EIF2AK4: variants seen among roughly 807,000 people sequenced by gnomAD.
The protein encoded by EIF2AK4 is eIF-2-alpha kinase GCN2.
A neutral mutation model predicts 211.1 loss-of-function variants in EIF2AK4; 139 were observed. The observed-to-expected ratio is 0.66, with a 90% CI of 0.57 to 0.76. The LOEUF is 0.76. Ranked by LOEUF, EIF2AK4 falls within the 30% of genes least tolerant of loss-of-function variation. EIF2AK4 has a pLI of 0.00. For missense variants in EIF2AK4, 1,664 were observed against 2,043.8 expected, an observed-to-expected ratio of 0.81 and a Z score of 3.58; for synonymous variants, 710 against 751.3, an observed-to-expected ratio of 0.94 and a Z score of 0.90.
intron 17 of EIF2AK4, 169 bp from the exon 18 acceptor site, chr15:39,992,600 A>G: frequency 1.6e-6 from 1 of 625,830 alleles, no homozygotes; most frequent in East Asian, 2.8e-5. Flanking sequence ...GTGTGGCCAT[A>G]CGTGACTTAT....
Position 39,988,527 on chromosome 15 carries a change from T to C in EIF2AK4, c.2526+422T>C, listed in dbSNP as rs567912010. Among the ~76,000 whole-genome samples the C allele has an allele frequency of 1.4e-4, 21 of 152,356 alleles. No homozygotes were observed. The East Asian group carries it at 4.0e-3, about 29-fold the overall frequency. On this transcript the variant is annotated intron_variant, in intron 15 of 38. Transcript: ENST00000263791. ...GGTTATTGGAACATAGCTATGCTCA[T>C]TGGTTTACATATTGCCTATGGCTGT... is the stretch of plus-strand genomic sequence containing the variant.
intron 32 of EIF2AK4, among the ~76,000 whole-genome samples, chr15:40,023,559 G>C (rs981577595): frequency 1.3e-5 from 2 of 152,056 alleles, no homozygotes; most frequent in South Asian, 4.1e-4. Flanking sequence ...TTTCCATTTC[G>C]TCTGAGTTTT....
chr15:40,026,092 A>T lies in EIF2AK4; in HGVS notation c.4502+3A>T. The T allele has an allele frequency of 6.2e-7, 1 of 1,612,860 alleles. No individual in the cohort carries two copies. Among genetic ancestry groups the T allele is most frequent in the South Asian group, 1.1e-5 (1 of 91,002 alleles). The stretch of plus-strand genomic sequence containing the variant: ...GTCACTGATGAAAGGAATGGCAGGT[A>T]ACTTAGGAAACAAAAGCCGAGAAAA... On this transcript the variant is annotated splice_donor_region_variant and intron_variant, in intron 33 of 38. Coordinates refer to ENST00000263791, the MANE Select transcript of EIF2AK4 (RefSeq NM_001013703.4).
chr15:40,033,924 A>T (rs969790866), intron 37 of EIF2AK4, among the ~76,000 whole-genome samples: 5 of 150,756 alleles, frequency 3.3e-5, no homozygotes, highest in Non-Finnish European at 7.4e-5. Flanking sequence ...GCTACTTGGG[A>T]GGCTGAGGCA....
chr15:39,987,091 A>G (rs1390016186), intron 14 of EIF2AK4, among the ~76,000 whole-genome samples: 1 of 152,216 alleles, frequency 6.6e-6, no homozygotes, highest in Non-Finnish European at 1.5e-5. Flanking sequence ...ATTCCGTAAC[A>G]TAAATATCTT....
At chr15:39,944,274 A>T (rs777564335) in intron 3 of EIF2AK4, among the ~76,000 whole-genome samples, 2 of 151,768 alleles carry the variant, frequency 1.3e-5, no homozygotes, top group African/African-American at 2.4e-5. Context: ...GGGTGGCACA[A>T]CTCTCTGTGG....
intron 30 of EIF2AK4, 92 bp from the exon 31 acceptor site, chr15:40,020,807 C>G (rs2035376555): frequency 1.6e-6 from 2 of 1,227,292 alleles, no homozygotes; most frequent in African/African-American, 1.5e-5. Context: ...TGCCCATCTT[C>G]CCAAGAGTGC....
chr15:40,029,346 TTA>T, intron 33 of EIF2AK4, 58 bp from the exon 34 acceptor site: 1 of 1,600,470 alleles, frequency 6.2e-7, no homozygotes, highest in Middle Eastern at 1.7e-4. Flanking sequence ...TCACTGTAAG[TTA>T]TGTGTTGCTT....
intron 15 of EIF2AK4, 97 bp from the exon 16 acceptor site, chr15:39,990,176 T>TA: frequency 1.7e-6 from 2 of 1,194,426 alleles, no homozygotes; most frequent in Non-Finnish European, 2.4e-6. Flanking sequence ...GAAGACCTCA[T>TA]ACGATTTTCA....
intron 5 of EIF2AK4, among the ~76,000 whole-genome samples, 159 bp from the exon 6 acceptor site, chr15:39,955,458 CCTT>C (rs2034376741): frequency 1.3e-5 from 2 of 152,140 alleles, no homozygotes; most frequent in South Asian, 4.1e-4. Flanking sequence ...TCAATATCCT[CCTT>C]CTAGCTATTT....
At chr15:39,984,883 A>G (rs942720165) in intron 13 of EIF2AK4, among the ~76,000 whole-genome samples, 2 of 152,182 alleles carry the variant, frequency 1.3e-5, no homozygotes, top group Admixed American at 6.5e-5. Context: ...AACTTCCAAC[A>G]CTATGTTGAA....
In EIF2AK4 at chr15:40,034,405, T is replaced by C; in HGVS notation, c.4853T>C (p.Leu1618Ser). 6.2e-7 allele frequency: 1 copy of C among 1,614,022 alleles called. No individual in the cohort carries two copies. Among genetic ancestry groups the C allele is most frequent in the Non-Finnish European group, 8.5e-7 (1 of 1,179,968 alleles). Residue 1618 changes from leucine (L) to serine (S), a missense_variant, in exon 38 of 39, where the codon TTA becomes TCA. By Grantham distance (145) the Leu-to-Ser change is moderately radical (BLOSUM62 -2). Coordinates refer to ENST00000263791, the MANE Select transcript of EIF2AK4 (RefSeq NM_001013703.4). ...CTGCCAAAGCAAAGATACCTCAAAT[T>C]AGTCTGTGATGAAATTTATAACATC... ...SRLPKQRYLK[L>S]VCDEIYNIKV...
At chr15:39,999,369 C>T (rs1416665773) in intron 20 of EIF2AK4, among the ~76,000 whole-genome samples, 2 of 152,014 alleles carry the variant, frequency 1.3e-5, no homozygotes. Context: ...TCTGGTATGC[C>T]TTTCTTCTGA....
At chr15:40,008,835 T>C (rs2035197046) in intron 25 of EIF2AK4, among the ~76,000 whole-genome samples, 1 of 152,178 alleles carries the variant, frequency 6.6e-6, no homozygotes, top group African/African-American at 2.4e-5. Context: ...GCAGAACATG[T>C]GTTTTTAGGG....
intron 18 of EIF2AK4, among the ~76,000 whole-genome samples, chr15:39,993,316 G>A (rs1030870727): frequency 2.6e-5 from 4 of 152,238 alleles, no homozygotes; most frequent in African/African-American, 4.8e-5. Flanking sequence ...CCCTCAGGGA[G>A]CTTGTCCACT....
chr15:40,032,676 C>G, intron 36 of EIF2AK4, 81 bp from the exon 37 acceptor site: 3 of 1,323,944 alleles, frequency 2.3e-6, no homozygotes, highest in Non-Finnish European at 3.2e-6. Flanking sequence ...CCTATTCATA[C>G]TGCTGCATTT....
At position 39,973,634 on chromosome 15, in the gene EIF2AK4, A is replaced by G. The variant is rs575096236; in HGVS notation, c.1703A>G (p.Asn568Ser). ...TATGTTGAGACTGTTATTCCTAGCA[A>G]CCGGCTACCCAGTGCTGCCTTCTTT... ...QDYVETVIPS[N>S]RLPSAAFFSE... The change falls in exon 11 of 39, where the codon AAC becomes AGC. Residue 568 changes from asparagine to serine, a missense_variant. Physicochemically the swap from Asn to Ser is conservative, Grantham distance 46. This residue lies in a region of EIF2AK4 where 641 missense variants were observed against 729.6 expected (regional missense o/e 0.88). Coordinates refer to ENST00000263791, the MANE Select transcript of EIF2AK4 (RefSeq NM_001013703.4). 1 of 1,614,074 alleles carries G rather than the reference A, an allele frequency of 6.2e-7. No homozygotes were observed. Among genetic ancestry groups the G allele is most frequent in the Non-Finnish European group, 8.5e-7 (1 of 1,179,972 alleles).
intron 33 of EIF2AK4, among the ~76,000 whole-genome samples, chr15:40,027,086 C>A (rs2035474925): frequency 6.6e-6 from 1 of 152,048 alleles, no homozygotes; most frequent in Non-Finnish European, 1.5e-5. Flanking sequence ...ATAACAATAA[C>A]CCCATTACAT....
intron 5 of EIF2AK4, among the ~76,000 whole-genome samples, chr15:39,954,292 G>A (rs1055589214): frequency 1.3e-5 from 2 of 152,098 alleles, no homozygotes; most frequent in Non-Finnish European, 2.9e-5. Flanking sequence ...TCATTCTGTC[G>A]CCCAGGCTGG....
Sources: gnomAD v4.1 joint callset for allele counts (sites outside exome capture counted in the v4.1 genomes callset) on GRCh38, gnomAD v4.1.1 for gene constraint, gnomAD v4.1.1 regional missense constraint, MANE v1.5 for transcripts, NCBI Gene and HGNC (gene_info 2026-07-23, HGNC 2026-07-21) for gene names.